Variants in VPS35L observed in about 807,000 individuals in gnomAD.
VPS35L encodes the protein VPS35 endosomal protein sorting factor like, also known as VPS35 endosomal protein-sorting factor-like.
VPS35L carries 83 observed loss-of-function variants against 133.0 expected under a neutral mutation model. The observed-to-expected ratio is 0.62, with a 90% CI of 0.52 to 0.75. The LOEUF (loss-of-function observed/expected upper bound fraction) is 0.75, where lower values mean the gene tolerates loss of function less well. Ranked by LOEUF, VPS35L falls within the 30% of genes least tolerant of loss-of-function variation. VPS35L has a pLI of 0.00. For missense variants in VPS35L, 1,083 were observed against 1,206.8 expected, an observed-to-expected ratio of 0.90 and a Z score of 1.52; for synonymous variants, 423 against 449.9, an observed-to-expected ratio of 0.94 and a Z score of 0.76.
At chr16:19,677,882 A>C (rs949737305) in intron 27 of VPS35L, among the ~76,000 whole-genome samples, 2 of 152,098 alleles carry the variant, frequency 1.3e-5, no homozygotes, top group Non-Finnish European at 2.9e-5. Flanking sequence ...TGATTACTTA[A>C]CCAACCTCAT....
At chr16:19,678,618 C>T (rs772395215) in intron 27 of VPS35L, among the ~76,000 whole-genome samples, 1 of 151,958 alleles carries the variant, frequency 6.6e-6, no homozygotes, top group African/African-American at 2.4e-5. Context: ...TCTGGGACTA[C>T]AGGCACGTGC....
intron 26 of VPS35L, among the ~76,000 whole-genome samples, chr16:19,656,949 G>A (rs1047130540): frequency 6.7e-6 from 1 of 148,516 alleles, no homozygotes; most frequent in African/African-American, 2.5e-5. Flanking sequence ...AGAGATAGTG[G>A]TCAAAAGAAC....
intron 16 of VPS35L, 66 bp downstream of exon 16, chr16:19,627,871 G>A: frequency 7.5e-7 from 1 of 1,327,490 alleles, no homozygotes; most frequent in Non-Finnish European, 1.1e-6. Context: ...GCTCTTGAGA[G>A]ACAGTCCGGT....
intron 27 of VPS35L, among the ~76,000 whole-genome samples, chr16:19,678,847 A>G (rs549981368): frequency 2.4e-4 from 36 of 151,882 alleles, no homozygotes; most frequent in African/African-American, 8.2e-4. Context: ...AACTTTGTCC[A>G]TGTACAGAAG....
At chr16:19,650,556 G>A in intron 25 of VPS35L, 97 bp downstream of exon 25, 1 of 998,034 alleles carries the variant, frequency 1.0e-6, no homozygotes, top group African/African-American at 1.6e-5. Context: ...AGATGAGTAT[G>A]TCATGATAAG....
intron 15 of VPS35L, among the ~76,000 whole-genome samples, chr16:19,626,891 T>G (rs1973281832): frequency 7.4e-6 from 1 of 134,768 alleles, no homozygotes. Context: ...TTCCTTTTAG[T>G]GGTAGATACA....
intron 25 of VPS35L, among the ~76,000 whole-genome samples, chr16:19,651,686 A>G (rs1974126131): frequency 6.6e-6 from 1 of 152,104 alleles, no homozygotes; most frequent in African/African-American, 2.4e-5. Flanking sequence ...TTTTTAAGCA[A>G]TTGGTTTAAA....
intron 6 of VPS35L, chr16:19,579,337 G>A (rs938111903): frequency 3.9e-6 from 2 of 518,478 alleles, no homozygotes; most frequent in African/African-American, 3.8e-5. Flanking sequence ...TTTTCTAGAG[G>A]CCTCTTTTCT....
chr16:19,670,315 C>T (rs1974833746), intron 27 of VPS35L, among the ~76,000 whole-genome samples: 1 of 152,228 alleles, frequency 6.6e-6, no homozygotes, highest in Admixed American at 6.5e-5. Context: ...ACTGCCAAGG[C>T]AGAGGTGTCG....
rs887257382 is a variant in VPS35L at position 19,584,694 on chromosome 16, G to GT, written c.639+3050dup. Among the ~76,000 whole-genome samples, 74 of 137,882 alleles carry GT rather than the reference G, an allele frequency of 5.4e-4. 1 individual carries two copies. The highest frequency in any genetic ancestry group is 3.3e-3 in the Admixed American group (45 of 13,778). 90.5% of individuals were successfully genotyped at this position (137,882 alleles called of 152,430 possible). Reference sequence around the variant, plus strand: ...ATCAGCATTTTTTTTCTTTCTTTTTGTTTTTTTTTATTAAGAGATGAGGTT... The same window carrying GT: ...ATCAGCATTTTTTTTCTTTCTTTTTGTTTTTTTTTTATTAAGAGATGAGGTT... On this transcript the variant is annotated intron_variant, in intron 7 of 30. Coordinates refer to ENST00000417362, the MANE Select transcript of VPS35L (RefSeq NM_020314.7).
intron 27 of VPS35L, among the ~76,000 whole-genome samples, chr16:19,680,260 C>T (rs1387191861): frequency 1.3e-5 from 2 of 152,176 alleles, no homozygotes; most frequent in Non-Finnish European, 2.9e-5. Context: ...TTGTTGTTTT[C>T]ATAGCCACTT....
At chr16:19,564,766 C>A in intron 1 of VPS35L, 85 bp from the exon 2 acceptor site, 1 of 904,342 alleles carries the variant, frequency 1.1e-6, no homozygotes, top group Non-Finnish European at 1.8e-6. Flanking sequence ...TCTAAACTAC[C>A]TTGTCATTGA....
intron 7 of VPS35L, 178 bp downstream of exon 7, chr16:19,581,831 T>C: frequency 2.6e-6 from 2 of 764,036 alleles, no homozygotes; most frequent in South Asian, 3.7e-5. Flanking sequence ...ATGAGATGGC[T>C]AATCCCAGGG....
Position 19,586,105 on chromosome 16 carries a change from A to G in VPS35L, c.639+4452A>G, listed in dbSNP as rs954194280. Among the ~76,000 whole-genome samples, 23 of 151,882 alleles carry G rather than the reference A, an allele frequency of 1.5e-4. 1 individual carries two copies. The South Asian group carries it at 2.1e-3, about 14-fold the overall frequency. ...TAGAAACGGAGGGTTTTACTTTGTC[A>G]TGCAGGCTAGTCTCAAACTCCTGTG... On this transcript the variant is annotated intron_variant, in intron 7 of 30. Transcript: ENST00000417362.
chr16:19,685,404 G>C (rs1262964877), intron 28 of VPS35L, among the ~76,000 whole-genome samples: 2 of 152,206 alleles, frequency 1.3e-5, no homozygotes, highest in African/African-American at 2.4e-5. Context: ...ATTCCTTTGT[G>C]TGGATGTACC....
At position 19,682,298 on chromosome 16, in the gene VPS35L, A is replaced by G; in HGVS notation, c.2435A>G (p.Asp812Gly). The change falls in exon 28 of 31, where the codon GAC (aspartate) becomes GGC (glycine). Residue 812 changes from aspartate (D) to glycine (G), a missense_variant. Physicochemically the swap from Asp to Gly is moderately conservative, Grantham distance 94 (BLOSUM62 -1). Transcript: ENST00000417362. ...GTGATCCAGGACTACACCTGGGAGG[A>G]CAACAGCGATGAGAAAATCCGCATC... is the stretch of plus-strand genomic sequence containing the variant. ...LNVIQDYTWE[D>G]NSDEKIRIYT... The G allele has an allele frequency of 1.2e-6, 2 of 1,612,666 alleles. No homozygotes were observed. The highest frequency in any genetic ancestry group is 1.7e-6 in the Non-Finnish European group (2 of 1,179,508).
At chr16:19,665,782 T>C (rs1207013527) in intron 26 of VPS35L, among the ~76,000 whole-genome samples, 2 of 152,224 alleles carry the variant, frequency 1.3e-5, no homozygotes, top group Non-Finnish European at 2.9e-5. Context: ...TGTACTAATT[T>C]AACATTTGCA....
chr16:19,699,455 C>T lies in VPS35L; in HGVS notation c.2647-47C>T, dbSNP rs766797847. 1.2e-5 allele frequency: 19 copies of T among 1,609,102 alleles called. No individual in the cohort carries two copies. The highest frequency in any genetic ancestry group is 1.1e-4 in the South Asian group (10 of 90,514). On this transcript the variant is annotated intron_variant, in intron 29 of 30. Transcript: ENST00000417362. The surrounding 1 kb of genome is among the most constrained non-coding windows in gnomAD (Gnocchi z 4.2). The stretch of plus-strand genomic sequence containing the variant: ...CTGTCCACAGCATCTCTGCGGGGCA[C>T]GGCCTGAGCCCCAGTGCAAGGCAGT...
intron 8 of VPS35L, among the ~76,000 whole-genome samples, chr16:19,594,059 C>G (rs750712327): frequency 1.1e-4 from 17 of 152,170 alleles, no homozygotes. Context: ...TCCAAGCATT[C>G]CCACAGAAGT....
Sources: gnomAD v4.1 joint callset for allele counts (sites outside exome capture counted in the v4.1 genomes callset) on GRCh38, gnomAD v4.1.1 for gene constraint, Gnocchi (gnomAD v3.1) non-coding constraint, MANE v1.5 for transcripts, NCBI Gene and HGNC (gene_info 2026-07-23, HGNC 2026-07-21) for gene names.